DAP: variants seen among roughly 807,000 people sequenced by gnomAD.
DAP encodes death-associated protein 1.
In DAP, 8 loss-of-function variants were observed where a neutral mutation model predicts 13.8. That is an observed-to-expected ratio of 0.58 (90% CI 0.34 to 1.05). The LOEUF (loss-of-function observed/expected upper bound fraction) is 1.05, where lower values mean the gene tolerates loss of function less well. Among genes scored for constraint, DAP ranks in the 50% least tolerant of loss-of-function variants. The pLI is 0.03. For synonymous variants in DAP, 47 were observed against 47.5 expected, an observed-to-expected ratio of 0.99 and a Z score of 0.04; for missense variants, 106 against 133.2, an observed-to-expected ratio of 0.80 and a Z score of 1.01.
At position 10,737,559 on chromosome 5, in the gene DAP, C is replaced by A. The variant is rs1412015888; in HGVS notation, c.152+10616G>T. On this transcript the variant is annotated intron_variant, in intron 2 of 3. Transcript: ENST00000230895. ...GTAATGTTGAAATTGGTTCACCAAA[C>A]GGCTTAAAGTTCAAACATGCAGATC... 2.6e-5 allele frequency among the ~76,000 whole-genome samples: 4 copies of A among 152,078 alleles called. No homozygotes were observed. The East Asian group carries it at 7.7e-4, about 29-fold the overall frequency.
At position 10,761,114 on chromosome 5, in the gene DAP, G is replaced by C. The variant is rs1185394378; in HGVS notation, c.-46C>G. The stretch of plus-strand genomic sequence containing the variant: ...GGGCCGAGGCGGCGGCGCGGTTCTC[G>C]GGCCGGGCGGGCGTGCGCGAGTGAG... On this transcript the variant is annotated 5_prime_UTR_variant, in exon 1 of 4. Coordinates refer to ENST00000230895, the MANE Select transcript of DAP (RefSeq NM_004394.3). 12 of 1,115,200 alleles carry C rather than the reference G, an allele frequency of 1.1e-5. No individual in the cohort carries two copies. Among genetic ancestry groups the C allele is most frequent in the South Asian group, 8.3e-5 (2 of 24,024 alleles). The allele number at this position is 1,115,200 out of a possible 1,614,324, so 69.1% of individuals were successfully genotyped here.
intron 2 of DAP, among the ~76,000 whole-genome samples, chr5:10,739,787 T>TCA (rs35309839): frequency 0.095 from 14,152 of 148,498 alleles, 711 homozygotes; most frequent in African/African-American, 0.12. Flanking sequence ...CTAAATTAAC[T>TCA]CACACACACA....
intron 2 of DAP, among the ~76,000 whole-genome samples, chr5:10,712,185 G>T (rs954401437): frequency 1.3e-5 from 2 of 152,084 alleles, no homozygotes; most frequent in Non-Finnish European, 2.9e-5. Context: ...GGGAGAAGAC[G>T]GCCATCTACA....
At chr5:10,695,311 G>A (rs1341411672) in intron 2 of DAP, among the ~76,000 whole-genome samples, 4 of 152,242 alleles carry the variant, frequency 2.6e-5, no homozygotes, top group African/African-American at 9.6e-5. Context: ...AGCCGGCCAG[G>A]CACTGCGGGC....
intron 1 of DAP, among the ~76,000 whole-genome samples, chr5:10,749,193 G>C (rs1739984147): frequency 6.6e-6 from 1 of 152,086 alleles, no homozygotes; most frequent in African/African-American, 2.4e-5. Flanking sequence ...GTATCACATT[G>C]TATCTCTCCA....
chr5:10,748,963 C>T (rs1218619142), intron 1 of DAP, among the ~76,000 whole-genome samples: 1 of 152,142 alleles, frequency 6.6e-6, no homozygotes, highest in Non-Finnish European at 1.5e-5. Context: ...AACAGAAACC[C>T]CACAGCCATG....
At chr5:10,748,301 AT>A (rs748464992) in intron 1 of DAP, 30 bp from the exon 2 acceptor site, 2 of 1,587,508 alleles carry the variant, frequency 1.3e-6, no homozygotes, top group Non-Finnish European at 1.7e-6. Context: ...TGTGGGATTA[AT>A]GTGGAAATGG....
In DAP at chr5:10,707,765, CAT is replaced by C. The variant is rs1738735765; in HGVS notation, c.153-24196_153-24195del. On this transcript the variant is annotated intron_variant, in intron 2 of 3. Coordinates refer to ENST00000230895, the MANE Select transcript of DAP (RefSeq NM_004394.3). This position sits in a 1 kb window ranked among gnomAD's most constrained non-coding sequence, Gnocchi z 4.0. ...CACACAGGTGGCGTGGCATAGGAAT[CAT>C]GTGATGCACAGGTGCTATGGTGCAA... Among the ~76,000 whole-genome samples the C allele has an allele frequency of 6.6e-6, 1 of 152,050 alleles. No homozygotes were observed. The highest frequency in any genetic ancestry group is 1.5e-5 in the Non-Finnish European group (1 of 68,018).
chr5:10,703,597 G>T (rs1189723269), intron 2 of DAP, among the ~76,000 whole-genome samples: 2 of 152,164 alleles, frequency 1.3e-5, no homozygotes, highest in African/African-American at 4.8e-5. Flanking sequence ...GATCCATAAG[G>T]GATGAATAAA....
At chr5:10,688,623 G>C (rs1738216025) in intron 2 of DAP, among the ~76,000 whole-genome samples, 1 of 151,828 alleles carries the variant, frequency 6.6e-6, no homozygotes, top group South Asian at 2.1e-4. Flanking sequence ...AAAATCACTT[G>C]TACTTCTGTA....
At chr5:10,689,855 C>T (rs573730931) in intron 2 of DAP, among the ~76,000 whole-genome samples, 8 of 152,108 alleles carry the variant, frequency 5.3e-5, no homozygotes, top group South Asian at 2.1e-4. Flanking sequence ...GGGCTGACTC[C>T]GAGCTGAGGA....
At chr5:10,733,123 T>A (rs143629073) in intron 2 of DAP, among the ~76,000 whole-genome samples, 1 of 151,916 alleles carries the variant, frequency 6.6e-6, no homozygotes, top group East Asian at 1.9e-4. Flanking sequence ...TATGACAGGA[T>A]TTCCCCTTTT....
chr5:10,741,299 G>A (rs1430530104), intron 2 of DAP, among the ~76,000 whole-genome samples: 4 of 152,224 alleles, frequency 2.6e-5, no homozygotes, highest in Non-Finnish European at 5.9e-5. Flanking sequence ...GCTGCAGTAA[G>A]CCAGGATTAT....
At chr5:10,742,500 AT>A (rs1291850017) in intron 2 of DAP, among the ~76,000 whole-genome samples, 1 of 152,202 alleles carries the variant, frequency 6.6e-6, no homozygotes, top group Non-Finnish European at 1.5e-5. Context: ...GCACTCCAGC[AT>A]GGGCAACAAG....
chr5:10,698,595 A>C (rs1324211110), intron 2 of DAP, among the ~76,000 whole-genome samples: 1 of 152,140 alleles, frequency 6.6e-6, no homozygotes, highest in African/African-American at 2.4e-5. Context: ...TGATGCCCTG[A>C]TCTCTAGTGA....
intron 2 of DAP, among the ~76,000 whole-genome samples, chr5:10,709,845 C>T (rs1340355803): frequency 6.6e-6 from 1 of 152,218 alleles, no homozygotes; most frequent in Non-Finnish European, 1.5e-5. Context: ...CTGGGCACTG[C>T]AGCCCTTCTT....
At chr5:10,692,296 G>A (rs1337793223) in intron 2 of DAP, among the ~76,000 whole-genome samples, 4 of 152,196 alleles carry the variant, frequency 2.6e-5, no homozygotes, top group African/African-American at 7.2e-5. Context: ...TGCTCTGACA[G>A]CCTGGTTTCT....
rs1737959814 is a variant in DAP at position 10,680,625 on chromosome 5, C to G, written c.*431G>C. 1 of 1,068,986 alleles carries G rather than the reference C, an allele frequency of 9.4e-7. No individual in the cohort carries two copies. 66.2% of individuals were successfully genotyped at this position (1,068,986 alleles called of 1,614,324 possible). On this transcript the variant is annotated 3_prime_UTR_variant, in exon 4 of 4. Transcript: ENST00000230895. ...AACTCATTCCCTTAGTTCTTACTCT[C>G]CCACAGGTGTTGAGATTTTATTGGC...
In DAP at chr5:10,683,339, C is replaced by A. The variant is rs1003700754; in HGVS notation, c.195+190G>T. On this transcript the variant is annotated intron_variant, in intron 3 of 3. Coordinates refer to ENST00000230895, the MANE Select transcript of DAP (RefSeq NM_004394.3). ...GGCGGCTCTGGAAAGGTAAAGGATG[C>A]GAGTCTGGCCTGCGGTCTGCAGAAG... is the stretch of plus-strand genomic sequence containing the variant. The A allele has an allele frequency of 1.3e-5, 9 of 689,354 alleles. No individual in the cohort carries two copies. The East Asian group carries it at 2.2e-4, about 17-fold the overall frequency. The allele number at this position is 689,354 out of a possible 1,614,324, so 42.7% of individuals were successfully genotyped here. A position where few individuals can be genotyped will look rare whatever the true frequency, so the allele number is the denominator to read the frequency against.
Sources: gnomAD v4.1 joint callset for allele counts (sites outside exome capture counted in the v4.1 genomes callset) on GRCh38, gnomAD v4.1.1 for gene constraint, Gnocchi (gnomAD v3.1) non-coding constraint, MANE v1.5 for transcripts, NCBI Gene and HGNC (gene_info 2026-07-23, HGNC 2026-07-21) for gene names.